Variants in SRGAP3 observed in about 807,000 individuals in gnomAD.
SRGAP3 encodes the protein SLIT-ROBO Rho GTPase-activating protein 3.
In SRGAP3, 39 loss-of-function variants were observed where a neutral mutation model predicts 121.1. That is an observed-to-expected ratio of 0.32 (90% CI 0.25 to 0.42). The LOEUF (loss-of-function observed/expected upper bound fraction) is 0.42, where lower values mean the gene tolerates loss of function less well. Among genes scored for constraint, SRGAP3 ranks in the 10% least tolerant of loss-of-function variants. The pLI is 1.00. For synonymous variants in SRGAP3, 601 were observed against 570.0 expected (o/e 1.05, Z -0.77); for missense variants, 1,213 against 1,470.6 (o/e 0.82, Z 2.86).
chr3:9,202,935 G>A (rs1228803336), intron 1 of SRGAP3, among the ~76,000 whole-genome samples: 3 of 152,180 alleles, frequency 2.0e-5, no homozygotes, highest in Non-Finnish European at 4.4e-5. Flanking sequence ...TGATGGGAGG[G>A]CATAAAATTC....
At chr3:9,321,682 C>T (rs1254227360) in intron 3 of SRGAP3, among the ~76,000 whole-genome samples, 2 of 151,770 alleles carry the variant, frequency 1.3e-5, no homozygotes, top group African/African-American at 4.8e-5. Flanking sequence ...TACGGGAACA[C>T]GGATGGAGCT....
At chr3:9,053,252 A>G (rs1260560599) in intron 8 of SRGAP3, 28 bp from the exon 9 acceptor site, 1 of 1,605,914 alleles carries the variant, frequency 6.2e-7, no homozygotes, top group Non-Finnish European at 8.5e-7. Context: ...ATTGACAAAA[A>G]TCCTGTATTC....
chr3:9,341,472 T>C (rs1166134775), intron 1 of SRGAP3, among the ~76,000 whole-genome samples: 1 of 152,182 alleles, frequency 6.6e-6, no homozygotes, highest in Non-Finnish European at 1.5e-5. Context: ...AAGGAAAATA[T>C]TTCCCAGCTG....
At chr3:9,221,563 A>C (rs58993439) in intron 1 of SRGAP3, among the ~76,000 whole-genome samples, 1 of 152,006 alleles carries the variant, frequency 6.6e-6, no homozygotes, top group Non-Finnish European at 1.5e-5. Flanking sequence ...AATATGAAAA[A>C]ATTTTTTAAA....
Position 9,003,479 on chromosome 3 carries a change from A to AAAACAAACAAACAAAC in SRGAP3, c.2227+6813_2227+6828dup, listed in dbSNP as rs149943964. Among the ~76,000 whole-genome samples, 450 of 150,024 alleles carry AAAACAAACAAACAAAC rather than the reference A, an allele frequency of 3.0e-3. 4 individuals carry two copies. The highest frequency in any genetic ancestry group is 0.011 in the African/African-American group (431 of 40,606). On this transcript the variant is annotated intron_variant, in intron 18 of 21. Transcript: ENST00000383836. ...GGGTGACAGAGTGAGATTCCATCTC[A>AAAACAAACAAACAAAC]AAACAAACAAACAAACAAACAAACA...
intron 21 of SRGAP3, among the ~76,000 whole-genome samples, chr3:8,987,700 G>A (rs1176697513): frequency 7.7e-6 from 1 of 129,160 alleles, no homozygotes; most frequent in Non-Finnish European, 1.5e-5. Flanking sequence ...GCTTCTCCAG[G>A]ATGTTTCATC....
chr3:9,008,595 G>GA (rs1203063282), intron 18 of SRGAP3, among the ~76,000 whole-genome samples: 1 of 152,014 alleles, frequency 6.6e-6, no homozygotes, highest in Admixed American at 6.5e-5. Context: ...GTCGGCAGAA[G>GA]AAAAAAAGGA....
At chr3:9,102,999 G>A (rs1948277086) in intron 3 of SRGAP3, among the ~76,000 whole-genome samples, 1 of 152,154 alleles carries the variant, frequency 6.6e-6, no homozygotes, top group South Asian at 2.1e-4. Context: ...GTTTGGCTTT[G>A]CAAAGCACTG....
intron 1 of SRGAP3, among the ~76,000 whole-genome samples, chr3:9,358,874 C>A (rs565958065): frequency 2.0e-5 from 3 of 152,168 alleles, no homozygotes; most frequent in African/African-American, 7.2e-5. Context: ...TCAGAGGGCC[C>A]TTGGCCCTCT....
intron 3 of SRGAP3, among the ~76,000 whole-genome samples, chr3:9,316,387 G>A (rs1428103583): frequency 2.6e-5 from 4 of 151,114 alleles, no homozygotes; most frequent in Admixed American, 6.6e-5. Flanking sequence ...GGCCAGGCGC[G>A]GTGGCTCACG....
rs1018947842 is a variant in SRGAP3, at chr3:9,077,634, A to G, written c.486+2391T>C. Reference sequence around the variant, plus strand: ...GCATGGCTTGTCCTGTTGGGGCCTCAGCCACCCTGCCTGGCCTGTGTCTCC... The same window carrying G: ...GCATGGCTTGTCCTGTTGGGGCCTCGGCCACCCTGCCTGGCCTGTGTCTCC... On this transcript the variant is annotated intron_variant, in intron 4 of 21. Coordinates refer to ENST00000383836, the MANE Select transcript of SRGAP3 (RefSeq NM_014850.4). 1.4e-4 allele frequency among the ~76,000 whole-genome samples: 22 copies of G among 152,312 alleles called. 1 individual carries two copies. The highest frequency in any genetic ancestry group is 1.2e-3 in the Admixed American group (18 of 15,304).
At chr3:9,197,304 C>T (rs1041105407) in intron 1 of SRGAP3, among the ~76,000 whole-genome samples, 2 of 152,194 alleles carry the variant, frequency 1.3e-5, no homozygotes, top group African/African-American at 2.4e-5. Flanking sequence ...AGAGGTGGCC[C>T]GTTTTCCAAA....
Position 8,983,068 on chromosome 3 carries a change from T to G in SRGAP3, c.*2451A>C, listed in dbSNP as rs1333875928. The G allele has an allele frequency of 2.2e-5, 5 of 227,084 alleles. No homozygotes were observed. Among genetic ancestry groups the G allele is most frequent in the Non-Finnish European group, 3.5e-5 (4 of 114,250 alleles). The allele number at this position is 227,084 out of a possible 1,614,324, so 14.1% of individuals were successfully genotyped here. A position where few individuals can be genotyped will look rare whatever the true frequency, so the allele number is the denominator to read the frequency against. Reference sequence around the variant, plus strand: ...GATTGCTATATTTTGCCTGGGAGGCTACTGGATTTAGGATCTGGGAGTATC... The same window carrying G: ...GATTGCTATATTTTGCCTGGGAGGCGACTGGATTTAGGATCTGGGAGTATC... On this transcript the variant is annotated 3_prime_UTR_variant, in exon 22 of 22. Transcript: ENST00000383836.
At chr3:9,050,317 G>A (rs908918383) in intron 9 of SRGAP3, among the ~76,000 whole-genome samples, 3 of 152,110 alleles carry the variant, frequency 2.0e-5, no homozygotes, top group East Asian at 3.9e-4. Flanking sequence ...TCTGTCCACC[G>A]TGTCTCACTG....
intron 3 of SRGAP3, among the ~76,000 whole-genome samples, chr3:9,285,248 G>A (rs921425898): frequency 2.0e-5 from 3 of 152,210 alleles, no homozygotes; most frequent in Non-Finnish European, 2.9e-5. Context: ...GTCCACTGAC[G>A]TTAGAGTGGC....
chr3:9,027,292 G>C (rs1052080293), intron 12 of SRGAP3, among the ~76,000 whole-genome samples: 2 of 152,224 alleles, frequency 1.3e-5, no homozygotes, highest in South Asian at 4.1e-4. Context: ...AGTGGAGAGG[G>C]AACCACCTCG....
intron 1 of SRGAP3, among the ~76,000 whole-genome samples, chr3:9,181,919 A>G (rs1401469110): frequency 6.6e-6 from 1 of 152,186 alleles, no homozygotes; most frequent in Non-Finnish European, 1.5e-5. Context: ...TCACGCCTGT[A>G]ATCCCAACAC....
At position 9,025,248 on chromosome 3, in the gene SRGAP3, G is replaced by A. The variant is rs912378357; in HGVS notation, c.1678+13C>T. ...CCCTGGCCACAAGCCTAAGATGGTC[G>A]CTCTGCACCCACCTCTCTCAAAGGA... On this transcript the variant is annotated intron_variant, in intron 14 of 21. Transcript: ENST00000383836. The A allele has an allele frequency of 1.1e-5, 18 of 1,613,786 alleles. No homozygotes were observed. Among genetic ancestry groups the A allele is most frequent in the African/African-American group, 2.7e-5 (2 of 74,890 alleles).
At position 9,239,572 on chromosome 3, in the gene SRGAP3, G is replaced by C. The variant is rs1001862498; in HGVS notation, c.67+9313C>G. Among the ~76,000 whole-genome samples, 20 of 152,156 alleles carry C rather than the reference G, an allele frequency of 1.3e-4. No individual in the cohort carries two copies. Among genetic ancestry groups the C allele is most frequent in the Non-Finnish European group, 2.1e-4 (14 of 68,038 alleles). ...ATGCAATCCCAGGGGGAAGAGCCAG[G>C]TCCATTCAAGGAACCTGGAACACTC... is the stretch of plus-strand genomic sequence containing the variant. On this transcript the variant is annotated intron_variant, in intron 1 of 21. Transcript: ENST00000383836. The surrounding 1 kb of genome is among the most constrained non-coding windows in gnomAD (Gnocchi z 4.0).
Sources: gnomAD v4.1 joint callset for allele counts (sites outside exome capture counted in the v4.1 genomes callset) on GRCh38, gnomAD v4.1.1 for gene constraint, Gnocchi (gnomAD v3.1) non-coding constraint, MANE v1.5 for transcripts, NCBI Gene and HGNC (gene_info 2026-07-23, HGNC 2026-07-21) for gene names.